ARFIP2: variants seen among roughly 807,000 people sequenced by gnomAD.
ARFIP2 encodes the protein ARF interacting protein 2, also known as arfaptin-2.
ARFIP2 carries 14 observed loss-of-function variants against 39.2 expected under a neutral mutation model. The observed-to-expected ratio is 0.36, with a 90% CI of 0.24 to 0.56. The LOEUF (loss-of-function observed/expected upper bound fraction) is 0.56, where lower values mean the gene tolerates loss of function less well. ARFIP2 is among the 20% of genes least tolerant of loss of function. The pLI is 0.85. For synonymous variants in ARFIP2, 167 were observed against 172.4 expected (o/e 0.97, Z 0.24); for missense variants, 305 against 422.5 (o/e 0.72, Z 2.44).
Position 6,478,680 on chromosome 11 carries a change from G to C in ARFIP2, c.537+58C>G. ...GCAGGAGGGAGGGAGGATGAGGAAT[G>C]ACTGCCTGGGAGGGCCCATGCCCAG... On this transcript the variant is annotated intron_variant, in intron 5 of 7. Transcript: ENST00000396777. This position sits in a 1 kb window ranked among gnomAD's most constrained non-coding sequence, Gnocchi z 4.8. The C allele has an allele frequency of 6.4e-7, 1 of 1,561,714 alleles. No homozygotes were observed. Among genetic ancestry groups the C allele is most frequent in the South Asian group, 1.2e-5 (1 of 85,010 alleles).
chr11:6,479,841 T>G, intron 3 of ARFIP2, 131 bp downstream of exon 3: 6 of 896,000 alleles, frequency 6.7e-6, no homozygotes, highest in Non-Finnish European at 8.9e-6. Context: ...GGAGAGTCCA[T>G]GAGGTTCCTA....
chr11:6,479,912 T>G, intron 3 of ARFIP2, 60 bp downstream of exon 3: 2 of 1,513,498 alleles, frequency 1.3e-6, no homozygotes, highest in Non-Finnish European at 1.8e-6. Flanking sequence ...TATCCTATGC[T>G]TCCCCAAACC....
At chr11:6,480,180 C>G (rs1228712713) in intron 2 of ARFIP2, 112 bp from the exon 3 acceptor site, 3 of 1,286,558 alleles carry the variant, frequency 2.3e-6, no homozygotes. Context: ...CAAGGGAAGT[C>G]TGCACAGAAT....
At chr11:6,479,065 T>C in intron 4 of ARFIP2, 75 bp downstream of exon 4, 1 of 1,583,934 alleles carries the variant, frequency 6.3e-7, no homozygotes, top group Non-Finnish European at 8.6e-7. Flanking sequence ...ACAGATGGGA[T>C]ATTACGATCA....
In ARFIP2 at chr11:6,477,835, A is replaced by T. The variant is rs369286552; in HGVS notation, c.753T>A (p.Asp251Glu). 5.6e-6 allele frequency: 9 copies of T among 1,613,856 alleles called. No homozygotes were observed. In the African/African-American group the frequency reaches 1.2e-4, roughly 22 times the overall value. Reference sequence around the variant, plus strand: ...TCTCAAGTCGACCACGTGTCCCTGCATCCCGGGGGCCTAGACTCAGCTCCT... The same window carrying T: ...TCTCAAGTCGACCACGTGTCCCTGCTTCCCGGGGGCCTAGACTCAGCTCCT... Reference protein sequence around the residue: ...DLEELSLGPRDAGTRGRLESA... With the variant: ...DLEELSLGPREAGTRGRLESA... Residue 251 changes from aspartate to glutamate, a missense_variant, in exon 7 of 8, where the codon GAT becomes GAA. Asp to Glu is a conservative substitution (Grantham distance 45). Coordinates refer to ENST00000396777, the MANE Select transcript of ARFIP2 (RefSeq NM_001376558.2). The surrounding 1 kb of genome is among the most constrained non-coding windows in gnomAD (Gnocchi z 4.8).
rs1432299071 is a variant in ARFIP2 at position 6,480,366 on chromosome 11, T to A, written c.56A>T (p.Asn19Ile). The A allele has an allele frequency of 6.2e-7, 1 of 1,613,698 alleles. No individual in the cohort carries two copies. Among genetic ancestry groups the A allele is most frequent in the African/African-American group, 1.3e-5 (1 of 74,906 alleles). Residue 19 changes from asparagine to isoleucine, a missense_variant, in exon 2 of 8, where the codon AAC becomes ATC. Physicochemically the swap from Asn to Ile is moderately radical, Grantham distance 149. Coordinates refer to ENST00000396777, the MANE Select transcript of ARFIP2 (RefSeq NM_001376558.2). ...AATMEIPIHG[N>I]GEARQLPEDD... The stretch of plus-strand genomic sequence containing the variant: ...TTCAGGAAGCTGCCTGGCTTCGCCG[T>A]TCCCGTGGATAGGGATCTCCATTGT...
Position 6,477,581 on chromosome 11 carries a change from G to T in ARFIP2, c.870+137C>A. 1.0e-6 allele frequency: 1 copy of T among 999,286 alleles called. No individual in the cohort carries two copies. The highest frequency in any genetic ancestry group is 1.4e-6 in the Non-Finnish European group (1 of 693,190). 61.9% of individuals were successfully genotyped at this position (999,286 alleles called of 1,614,324 possible). On this transcript the variant is annotated intron_variant, in intron 7 of 7. Transcript: ENST00000396777. The surrounding 1 kb of genome is among the most constrained non-coding windows in gnomAD (Gnocchi z 4.8). ...ATTGGAGGGAGGGTGATCTGGAAAGGCCCAGGGGTTGAGGGGGTGAACACT... is the reference window on the plus strand; with the variant it reads ...ATTGGAGGGAGGGTGATCTGGAAAGTCCCAGGGGTTGAGGGGGTGAACACT...
In ARFIP2 at chr11:6,476,837, G is replaced by T; in HGVS notation, c.*276C>A. On this transcript the variant is annotated 3_prime_UTR_variant, in exon 8 of 8. Transcript: ENST00000396777. ...CCTGAAGAGTGATGCCATTGGCCAG[G>T]GAGTGGTTTTGTCATAGCCGTTGGC... The T allele has an allele frequency of 2.6e-6, 1 of 390,268 alleles. No homozygotes were observed. Among genetic ancestry groups the T allele is most frequent in the Middle Eastern group, 7.3e-4 (1 of 1,366 alleles). The allele number at this position is 390,268 out of a possible 1,614,324, so 24.2% of individuals were successfully genotyped here.
intron 3 of ARFIP2, chr11:6,479,710 C>G (rs1467991582): frequency 3.6e-6 from 2 of 551,216 alleles, no homozygotes; most frequent in Admixed American, 3.5e-5. Flanking sequence ...GGGGGGCATT[C>G]CTGTGAAGCA....
chr11:6,477,005 C>A lies in ARFIP2; in HGVS notation c.*108G>T. 4.5e-6 allele frequency: 6 copies of A among 1,339,796 alleles called. No individual in the cohort carries two copies. The South Asian group carries it at 7.7e-5, about 17-fold the overall frequency. The allele number at this position is 1,339,796 out of a possible 1,614,324, so 83.0% of individuals were successfully genotyped here. A position where few individuals can be genotyped will look rare whatever the true frequency, so the allele number is the denominator to read the frequency against. On this transcript the variant is annotated 3_prime_UTR_variant, in exon 8 of 8. Coordinates refer to ENST00000396777, the MANE Select transcript of ARFIP2 (RefSeq NM_001376558.2). The surrounding 1 kb of genome is among the most constrained non-coding windows in gnomAD (Gnocchi z 4.8). ...GTCAGGCCCCAGCCAGAAAAAGGAG[C>A]CCAAGCCAGAGGGCAAGTGACAAAG...
chr11:6,478,069 T>C lies in ARFIP2; in HGVS notation c.667A>G (p.Met223Val). ...LVTKTMEDTLMTVKQYEAARL... is the reference protein window; with the variant it reads ...LVTKTMEDTLVTVKQYEAARL... ...GCAGCCTCATACTGTTTCACAGTCA[T>C]GAGCGTGTCTTCCATGGTCTTGGTG... is the stretch of plus-strand genomic sequence containing the variant. The change falls in exon 6 of 8, where the codon ATG (methionine) becomes GTG (valine). Residue 223 changes from methionine (M) to valine (V), a missense_variant. By Grantham distance (21) the Met-to-Val change is conservative. Around this residue, in one of 3 missense-constraint regions of ARFIP2, gnomAD observed 42 missense variants for 101.2 expected, o/e 0.42. Transcript: ENST00000396777. The surrounding 1 kb of genome is among the most constrained non-coding windows in gnomAD (Gnocchi z 4.8). 6.2e-7 allele frequency: 1 copy of C among 1,614,146 alleles called. No individual in the cohort carries two copies. Among genetic ancestry groups the C allele is most frequent in the Admixed American group, 1.7e-5 (1 of 60,024 alleles).
rs772337826 is a variant in ARFIP2, at chr11:6,478,816, G to A, written c.459C>T (p.His153=). The A allele has an allele frequency of 1.9e-6, 3 of 1,614,194 alleles. No homozygotes were observed. Among genetic ancestry groups the A allele is most frequent in the East Asian group, 2.2e-5 (1 of 44,890 alleles). The change falls in exon 5 of 8, where the codon CAC becomes CAT. Residue 153 remains histidine, a synonymous_variant. Transcript: ENST00000396777. This position sits in a 1 kb window ranked among gnomAD's most constrained non-coding sequence, Gnocchi z 4.8. ...VLQLGRALTA[H]LYSLLQTQHA... is the part of the protein sequence containing the mutation. ...GCTGGGTCTGCAGCAGGCTGTAGAG[G>A]TGGGCTGTCAGTGCCCGGCCCAGCT...
At chr11:6,480,704 C>T in intron 1 of ARFIP2, 1 of 341,688 alleles carries the variant, frequency 2.9e-6, no homozygotes, top group Non-Finnish European at 5.4e-6. Flanking sequence ...TATTTCTACA[C>T]TCATTCAGCA....
chr11:6,480,172 A>G (rs1319612878), intron 2 of ARFIP2, 104 bp from the exon 3 acceptor site: 2 of 1,294,508 alleles, frequency 1.5e-6, no homozygotes, highest in Non-Finnish European at 2.2e-6. Context: ...ATAGTACACA[A>G]GGGAAGTCTG....
At position 6,477,611 on chromosome 11, in the gene ARFIP2, T is replaced by A; in HGVS notation, c.870+107A>T. The A allele has an allele frequency of 7.7e-7, 1 of 1,302,640 alleles. No individual in the cohort carries two copies. The highest frequency in any genetic ancestry group is 1.1e-6 in the Non-Finnish European group (1 of 946,146). The allele number at this position is 1,302,640 out of a possible 1,614,324, so 80.7% of individuals were successfully genotyped here. On this transcript the variant is annotated intron_variant, in intron 7 of 7. Transcript: ENST00000396777. The surrounding 1 kb of genome is among the most constrained non-coding windows in gnomAD (Gnocchi z 4.8). ...GGGGTTGAGGGGGTGAACACTCTAC[T>A]CCCCAGCTAGGCTGCATTTCCTCAT...
rs766017397 is a variant in ARFIP2 at position 6,478,846 on chromosome 11, G to A, written c.429C>T (p.Val143=). Residue 143 remains valine, a synonymous_variant, in exon 5 of 8, where the codon GTC becomes GTT. Transcript: ENST00000396777. This position sits in a 1 kb window ranked among gnomAD's most constrained non-coding sequence, Gnocchi z 4.8. ...LRETKRKYES[V]LQLGRALTAH... ...CTGTCAGTGCCCGGCCCAGCTGCAGGACACTCTCATACTTGCGCTTCGTCT... is the reference window on the plus strand; with the variant it reads ...CTGTCAGTGCCCGGCCCAGCTGCAGAACACTCTCATACTTGCGCTTCGTCT... The A allele has an allele frequency of 2.5e-6, 4 of 1,614,190 alleles. No individual in the cohort carries two copies. The highest frequency in any genetic ancestry group is 1.1e-5 in the South Asian group (1 of 91,080).
intron 3 of ARFIP2, chr11:6,479,646 T>C: frequency 1.9e-6 from 1 of 531,678 alleles, no homozygotes; most frequent in Non-Finnish European, 3.3e-6. Context: ...AACTTTAGAA[T>C]CTAAAAATTC....
rs75147856 is a variant in ARFIP2, at chr11:6,479,080, G to A, written c.315+60C>T. On this transcript the variant is annotated intron_variant, in intron 4 of 7. Transcript: ENST00000396777. ...ACAGATGGGATATTACGATCACGAA[G>A]AAAAGGGAAAAAGGTACCCATAAGG... 3.2e-4 allele frequency: 509 copies of A among 1,590,800 alleles called. 1 individual carries two copies. The African/African-American group carries it at 6.5e-3, about 20-fold the overall frequency.
In ARFIP2 at chr11:6,478,838, A is replaced by G; in HGVS notation, c.437T>C (p.Leu146Pro). The G allele has an allele frequency of 6.2e-7, 1 of 1,614,186 alleles. No individual in the cohort carries two copies. Among genetic ancestry groups the G allele is most frequent in the Non-Finnish European group, 8.5e-7 (1 of 1,180,018 alleles). Residue 146 changes from leucine (L) to proline (P), a missense_variant, in exon 5 of 8, where the codon CTG becomes CCG. Leu to Pro is a moderately conservative substitution (Grantham distance 98). Transcript: ENST00000396777. The surrounding 1 kb of genome is among the most constrained non-coding windows in gnomAD (Gnocchi z 4.8). ...GAGGTGGGCTGTCAGTGCCCGGCCC[A>G]GCTGCAGGACACTCTCATACTTGCG... The part of the protein sequence containing the change: ...TKRKYESVLQ[L>P]GRALTAHLYS...
Sources: allele counts gnomAD v4.1 joint callset, GRCh38; gene constraint gnomAD v4.1.1; regional missense constraint gnomAD v4.1.1; non-coding constraint Gnocchi (gnomAD v3.1); transcripts MANE v1.5; gene names NCBI Gene and HGNC (gene_info 2026-07-23, HGNC 2026-07-21).